The following XPR1 variants were observed in gnomAD, a reference collection of about 807,000 sequenced individuals.
XPR1 encodes solute carrier family 53 member 1.
XPR1 carries 28 observed loss-of-function variants against 87.5 expected under a neutral mutation model. The observed-to-expected ratio is 0.32, with a 90% CI of 0.24 to 0.44. XPR1 has a LOEUF of 0.44. Among genes scored for constraint, XPR1 ranks in the 20% least tolerant of loss-of-function variants. The pLI is 1.00. For synonymous variants in XPR1, 300 were observed against 306.1 expected (o/e 0.98, Z 0.21); for missense variants, 559 against 862.3 (o/e 0.65, Z 4.41).
At chr1:180,745,917 T>C (rs764785513) in intron 2 of XPR1, among the ~76,000 whole-genome samples, 1 of 152,238 alleles carries the variant, frequency 6.6e-6, no homozygotes, top group South Asian at 2.1e-4. Flanking sequence ...ACCAAAACTT[T>C]GCTTGCTTTT....
rs1260420460 is a variant in XPR1, at chr1:180,687,453, A to G, written c.121+5042A>G. Reference sequence around the variant, plus strand: ...CTACTTTCACAAGAAAAACATCTGCACACATTCTTTCTTTATACTTTCATG... The same window carrying G: ...CTACTTTCACAAGAAAAACATCTGCGCACATTCTTTCTTTATACTTTCATG... On this transcript the variant is annotated intron_variant, in intron 2 of 14. Coordinates refer to ENST00000367590, the MANE Select transcript of XPR1 (RefSeq NM_004736.4). 2.6e-5 allele frequency among the ~76,000 whole-genome samples: 4 copies of G among 152,322 alleles called. No individual in the cohort carries two copies. In the South Asian group the frequency reaches 6.2e-4, roughly 24 times the overall value.
At chr1:180,864,021 C>CA (rs1323651360) in intron 12 of XPR1, 147 bp downstream of exon 12, 1 of 590,454 alleles carries the variant, frequency 1.7e-6, no homozygotes, top group East Asian at 3.5e-5. Context: ...ATTCGGTCAG[C>CA]AAAAATATAT....
intron 9 of XPR1, among the ~76,000 whole-genome samples, chr1:180,827,153 C>CAAAAAAAAAAAAAAA (rs11324246): frequency 1.8e-4 from 12 of 66,910 alleles, no homozygotes; most frequent in African/African-American, 6.7e-4. Context: ...GACTCCTTCT[C>CAAAAAAAAAAAAAAA]AAAAAAAAAA....
At chr1:180,643,077 T>C (rs2101896991) in intron 1 of XPR1, among the ~76,000 whole-genome samples, 1 of 152,262 alleles carries the variant, frequency 6.6e-6, no homozygotes, top group East Asian at 1.9e-4. Flanking sequence ...TGTAATACCA[T>C]TCTAAGAAGT....
chr1:180,793,764 C>T (rs1409408582), intron 3 of XPR1, among the ~76,000 whole-genome samples: 1 of 152,064 alleles, frequency 6.6e-6, no homozygotes, highest in East Asian at 1.9e-4. Flanking sequence ...AATAAATTTT[C>T]CTTTCTTTAT....
At chr1:180,646,547 A>G (rs531513588) in intron 1 of XPR1, among the ~76,000 whole-genome samples, 2 of 152,302 alleles carry the variant, frequency 1.3e-5, no homozygotes, top group African/African-American at 2.4e-5. Flanking sequence ...ACCTGTTGCA[A>G]TGAACCTATT....
intron 1 of XPR1, among the ~76,000 whole-genome samples, chr1:180,665,422 A>G (rs1314958779): frequency 2.0e-5 from 3 of 152,210 alleles, no homozygotes; most frequent in African/African-American, 7.2e-5. Flanking sequence ...TAACAGGCCA[A>G]AGACCATTAC....
Position 180,809,554 on chromosome 1 carries a change from T to G in XPR1, c.682-1853T>G, listed in dbSNP as rs140772482. On this transcript the variant is annotated intron_variant, in intron 6 of 14. Coordinates refer to ENST00000367590, the MANE Select transcript of XPR1 (RefSeq NM_004736.4). ...ATTCTATACTTTAAGTATGTGCAATTTTTTTATGTCAGTTGTTTTTGAATA... is the reference window on the plus strand; with the variant it reads ...ATTCTATACTTTAAGTATGTGCAATGTTTTTATGTCAGTTGTTTTTGAATA... Among the ~76,000 whole-genome samples, 441 of 152,242 alleles carry G rather than the reference T, an allele frequency of 2.9e-3. 3 individuals are homozygous for G. The highest frequency in any genetic ancestry group is 9.6e-3 in the African/African-American group (399 of 41,530).
intron 2 of XPR1, among the ~76,000 whole-genome samples, chr1:180,716,935 G>C (rs73034846): frequency 6.6e-6 from 1 of 152,092 alleles, no homozygotes; most frequent in East Asian, 1.9e-4. Context: ...TAATCTGCTC[G>C]TCTTCTAGAA....
intron 2 of XPR1, among the ~76,000 whole-genome samples, chr1:180,716,745 A>G (rs1472818084): frequency 6.6e-6 from 1 of 152,146 alleles, no homozygotes; most frequent in Non-Finnish European, 1.5e-5. Context: ...CCCCTCTGGA[A>G]TTAGGTCTTT....
chr1:180,644,918 G>T (rs928275471), intron 1 of XPR1, among the ~76,000 whole-genome samples: 1 of 152,018 alleles, frequency 6.6e-6, no homozygotes. Flanking sequence ...ATCTGGGGCT[G>T]AGGGGAGACA....
intron 2 of XPR1, among the ~76,000 whole-genome samples, chr1:180,755,200 G>A (rs922023451): frequency 6.6e-6 from 1 of 152,178 alleles, no homozygotes; most frequent in Non-Finnish European, 1.5e-5. Flanking sequence ...CACTGAGAGG[G>A]CCTGGAAATC....
intron 9 of XPR1, among the ~76,000 whole-genome samples, chr1:180,827,153 CAAAAAAA>C (rs11324246): frequency 1.5e-5 from 1 of 66,894 alleles, no homozygotes; most frequent in African/African-American, 6.1e-5. Context: ...GACTCCTTCT[CAAAAAAA>C]AAAAAAAAAA....
At chr1:180,770,206 G>A (rs559754642) in intron 2 of XPR1, among the ~76,000 whole-genome samples, 4 of 152,210 alleles carry the variant, frequency 2.6e-5, no homozygotes, top group African/African-American at 9.6e-5. Context: ...CATGTTTAAA[G>A]AGATGATGTT....
At chr1:180,824,549 C>T (rs1303798383) in intron 7 of XPR1, among the ~76,000 whole-genome samples, 1 of 152,044 alleles carries the variant, frequency 6.6e-6, no homozygotes, top group Non-Finnish European at 1.5e-5. Flanking sequence ...CCATTGCACT[C>T]CAGCCTGGCA....
At chr1:180,682,514 A>G in intron 2 of XPR1, 103 bp downstream of exon 2, 1 of 673,790 alleles carries the variant, frequency 1.5e-6, no homozygotes, top group Non-Finnish European at 2.2e-6. Flanking sequence ...CTGTCCTATT[A>G]TATAGGTCTT....
chr1:180,633,709 T>C (rs578256491), intron 1 of XPR1, among the ~76,000 whole-genome samples: 10 of 152,388 alleles, frequency 6.6e-5, no homozygotes, highest in African/African-American at 2.4e-4. Context: ...AATAAGGGAC[T>C]AACATTTCAG....
chr1:180,875,142 A>G lies in XPR1; in HGVS notation c.1808+1200A>G, dbSNP rs536615607. On this transcript the variant is annotated intron_variant, in intron 13 of 14. Transcript: ENST00000367590. ...ATTATAATCACAAAAAGATAACTCAAAAGTCCCAAATGTTTAGAAATTAAG... is the reference window on the plus strand; with the variant it reads ...ATTATAATCACAAAAAGATAACTCAGAAGTCCCAAATGTTTAGAAATTAAG... Among the ~76,000 whole-genome samples the G allele has an allele frequency of 1.8e-4, 27 of 152,348 alleles. No individual in the cohort carries two copies. The South Asian group carries it at 3.7e-3, about 21-fold the overall frequency.
rs922022703 is a variant in XPR1, at chr1:180,714,927, T to A, written c.121+32516T>A. On this transcript the variant is annotated intron_variant, in intron 2 of 14. Transcript: ENST00000367590. ...AATTTAGTTTATTAGCTGGAAAGAA[T>A]AGCTGATATTCTGGAATGTTAGAAT... Among the ~76,000 whole-genome samples, 3 of 152,312 alleles carry A rather than the reference T, an allele frequency of 2.0e-5. No homozygotes were observed. In the East Asian group the frequency reaches 5.8e-4, roughly 29 times the overall value.
Sources: allele counts gnomAD v4.1 joint callset (sites outside exome capture counted in the v4.1 genomes callset), GRCh38; gene constraint gnomAD v4.1.1; transcripts MANE v1.5; gene names NCBI Gene and HGNC (gene_info 2026-07-23, HGNC 2026-07-21).